The following TRIM13 variants were observed in gnomAD, a reference collection of about 807,000 sequenced individuals.
The protein encoded by TRIM13 is tripartite motif containing 13.
A neutral mutation model predicts 27.1 loss-of-function variants in TRIM13; 15 were observed. The observed-to-expected ratio is 0.55, with a 90% CI of 0.37 to 0.85. TRIM13 has a LOEUF of 0.85. TRIM13 is among the 40% of genes least tolerant of loss of function. TRIM13 has a pLI of 0.00. For synonymous variants in TRIM13, 193 were observed against 171.5 expected, an observed-to-expected ratio of 1.13 and a Z score of -0.98; for missense variants, 402 against 472.2, an observed-to-expected ratio of 0.85 and a Z score of 1.38.
At chr13:50,011,324 T>C (rs563830565) in intron 1 of TRIM13, among the ~76,000 whole-genome samples, 1 of 152,328 alleles carries the variant, frequency 6.6e-6, no homozygotes, top group East Asian at 1.9e-4. Context: ...TCTGTTACTG[T>C]TCTGGTGGTT....
At chr13:50,005,668 C>A (rs1215114982) in intron 1 of TRIM13, among the ~76,000 whole-genome samples, 1 of 149,938 alleles carries the variant, frequency 6.7e-6, no homozygotes. Flanking sequence ...GTGCAAGACT[C>A]CATCTCTAAA....
chr13:50,015,657 GTGATTTGTTTAGTTTCATCTTAGAT>G lies in TRIM13; in HGVS notation c.*2495_*2519del. On this transcript the variant is annotated 3_prime_UTR_variant, in exon 2 of 2. Coordinates refer to ENST00000378182, the MANE Select transcript of TRIM13 (RefSeq NM_213590.3). The stretch of plus-strand genomic sequence containing the variant: ...GGCCAGATTTTTGTAGACAGAGATG[GTGATTTGTTTAGTTTCATCTTAGAT>G]TTTTTGAGAACTCACCAGCTTTTAT... 6.2e-7 allele frequency: 1 copy of G among 1,614,164 alleles called. No individual in the cohort carries two copies. The highest frequency in any genetic ancestry group is 8.5e-7 in the Non-Finnish European group (1 of 1,180,010).
chr13:50,011,554 T>TA (rs1354521657), intron 1 of TRIM13, among the ~76,000 whole-genome samples: 1 of 152,188 alleles, frequency 6.6e-6, no homozygotes, highest in Non-Finnish European at 1.5e-5. Context: ...GGGCCCAGAG[T>TA]AAAGAGCTCA....
chr13:49,998,508 A>G (rs1454034346), intron 1 of TRIM13, among the ~76,000 whole-genome samples: 2 of 152,208 alleles, frequency 1.3e-5, no homozygotes, highest in South Asian at 2.1e-4. Flanking sequence ...TAACACCTTA[A>G]ATGTGTAGAG....
Position 50,015,855 on chromosome 13 carries a change from C to CT in TRIM13, c.*2697dup. On this transcript the variant is annotated 3_prime_UTR_variant, in exon 2 of 2. Coordinates refer to ENST00000378182, the MANE Select transcript of TRIM13 (RefSeq NM_213590.3). Reference sequence around the variant, plus strand: ...CATTTCCTAAGCCGGAACACTCAAGCTTTTTTCAGGGTGTTTGGCTCTTGC... The same window carrying CT: ...CATTTCCTAAGCCGGAACACTCAAGCTTTTTTTCAGGGTGTTTGGCTCTTGC... 6.2e-7 allele frequency: 1 copy of CT among 1,614,088 alleles called. No individual in the cohort carries two copies. Among genetic ancestry groups the CT allele is most frequent in the Non-Finnish European group, 8.5e-7 (1 of 1,179,952 alleles).
intron 1 of TRIM13, among the ~76,000 whole-genome samples, chr13:50,011,181 T>G (rs1311909689): frequency 6.6e-6 from 1 of 152,190 alleles, no homozygotes; most frequent in Non-Finnish European, 1.5e-5. Context: ...GTTGACATGG[T>G]GCAAAAAGCA....
Position 50,015,391 on chromosome 13 carries a change from C to T in TRIM13, c.*2227C>T, listed in dbSNP as rs1876407225. ...TAAGTCTGGTTTTTGTTATTCTTCC[C>T]TCCCCTCCACTGCATAATCATGTAT... On this transcript the variant is annotated 3_prime_UTR_variant, in exon 2 of 2. Transcript: ENST00000378182. 1.2e-6 allele frequency: 1 copy of T among 840,186 alleles called. No individual in the cohort carries two copies. The highest frequency in any genetic ancestry group is 1.9e-6 in the Non-Finnish European group (1 of 521,756). 52.0% of individuals were successfully genotyped at this position (840,186 alleles called of 1,614,324 possible).
chr13:50,002,874 G>A (rs369793964), intron 1 of TRIM13, among the ~76,000 whole-genome samples: 1 of 152,022 alleles, frequency 6.6e-6, no homozygotes, highest in Admixed American at 6.6e-5. Context: ...TCTTGGCCAG[G>A]CTGATCTTGA....
intron 1 of TRIM13, among the ~76,000 whole-genome samples, chr13:50,007,894 G>A (rs1211868758): frequency 6.7e-6 from 1 of 149,886 alleles, no homozygotes; most frequent in Non-Finnish European, 1.5e-5. Flanking sequence ...TGAAATTACT[G>A]TTAAAAAAGT....
chr13:50,003,203 A>C (rs576915405), intron 1 of TRIM13, among the ~76,000 whole-genome samples: 10 of 152,164 alleles, frequency 6.6e-5, no homozygotes, highest in Admixed American at 6.5e-4. Flanking sequence ...GTGAGTTTCA[A>C]TGTTTGCTGT....
intron 1 of TRIM13, among the ~76,000 whole-genome samples, chr13:50,001,873 G>T (rs1266117291): frequency 1.3e-5 from 2 of 152,042 alleles, no homozygotes; most frequent in Non-Finnish European, 2.9e-5. Flanking sequence ...GTCTCTAAAA[G>T]AATGAAGAGT....
chr13:50,003,094 AT>A (rs1054885264), intron 1 of TRIM13, among the ~76,000 whole-genome samples: 2 of 152,084 alleles, frequency 1.3e-5, no homozygotes, highest in African/African-American at 4.8e-5. Flanking sequence ...AGAGGAAATG[AT>A]TTTTTTTAAT....
chr13:50,002,497 T>C (rs527398128), intron 1 of TRIM13, among the ~76,000 whole-genome samples: 2 of 152,350 alleles, frequency 1.3e-5, no homozygotes, highest in South Asian at 2.1e-4. Flanking sequence ...TATGGTTTTT[T>C]AATAATTGGC....
chr13:50,015,471 C>G lies in TRIM13; in HGVS notation c.*2307C>G, dbSNP rs1295403435. On this transcript the variant is annotated 3_prime_UTR_variant, in exon 2 of 2. Transcript: ENST00000378182. ...TTTCCTAAGTGTGGCTGATGGTAGC[C>G]TCTAGTTTGAAGTGAGGGAAGAATG... 1 of 1,540,956 alleles carries G rather than the reference C, an allele frequency of 6.5e-7. No homozygotes were observed. Among genetic ancestry groups the G allele is most frequent in the South Asian group, 1.2e-5 (1 of 85,614 alleles).
Position 50,015,558 on chromosome 13 carries a change from C to T in TRIM13, c.*2394C>T, listed in dbSNP as rs761085252. On this transcript the variant is annotated 3_prime_UTR_variant, in exon 2 of 2. Coordinates refer to ENST00000378182, the MANE Select transcript of TRIM13 (RefSeq NM_213590.3). ...AAGATATTCACGACAAGGTTTTCTA[C>T]GATAAAGCAGTTTCCTGCTTCTCGT... The T allele has an allele frequency of 8.7e-6, 14 of 1,613,926 alleles. No homozygotes were observed. Among genetic ancestry groups the T allele is most frequent in the African/African-American group, 2.7e-5 (2 of 74,902 alleles).
chr13:50,000,690 ATAG>A (rs1037854304), intron 1 of TRIM13, among the ~76,000 whole-genome samples: 54 of 152,134 alleles, frequency 3.5e-4, no homozygotes, highest in Non-Finnish European at 6.8e-4. Context: ...CACCAAAATA[ATAG>A]TAGTGGTGAT....
rs1876425987 is a variant in TRIM13 at position 50,015,503 on chromosome 13, C to T, written c.*2339C>T. ...TTGAAGTGAGGGAAGAATGAGTAGT[C>T]AGGAACTGGTCACTTTGAATGTGGG... On this transcript the variant is annotated 3_prime_UTR_variant, in exon 2 of 2. Transcript: ENST00000378182. 6.2e-7 allele frequency: 1 copy of T among 1,610,348 alleles called. No homozygotes were observed. Among genetic ancestry groups the T allele is most frequent in the Non-Finnish European group, 8.5e-7 (1 of 1,177,708 alleles).
At chr13:50,005,195 T>G (rs778073501) in intron 1 of TRIM13, among the ~76,000 whole-genome samples, 1 of 152,126 alleles carries the variant, frequency 6.6e-6, no homozygotes, top group Non-Finnish European at 1.5e-5. Context: ...AGCCATACTT[T>G]AAGATTTTGT....
Position 50,016,238 on chromosome 13 carries a change from C to T in TRIM13, c.*3074C>T, listed in dbSNP as rs1194319094. 8.4e-6 allele frequency: 5 copies of T among 595,902 alleles called. No individual in the cohort carries two copies. In the Admixed American group the frequency reaches 1.3e-4, roughly 15 times the overall value. 36.9% of individuals were successfully genotyped at this position (595,902 alleles called of 1,614,324 possible). On this transcript the variant is annotated 3_prime_UTR_variant, in exon 2 of 2. Transcript: ENST00000378182. ...AATGACCAAATAATTATTTTCCAAA[C>T]TGGGATACTTTTTAGAGTGAAAGGG...
Sources: gnomAD v4.1 joint callset for allele counts (sites outside exome capture counted in the v4.1 genomes callset) on GRCh38, gnomAD v4.1.1 for gene constraint, MANE v1.5 for transcripts, NCBI Gene and HGNC (gene_info 2026-07-23, HGNC 2026-07-21) for gene names.